CNTNAP2: variants seen among roughly 807,000 people sequenced by gnomAD.
The protein encoded by CNTNAP2 is contactin-associated protein-like 2.
In CNTNAP2, 98 loss-of-function variants were observed where a neutral mutation model predicts 155.2. The observed-to-expected ratio is 0.63, with a 90% CI of 0.54 to 0.75. The LOEUF is 0.75. Among genes scored for constraint, CNTNAP2 ranks in the 30% least tolerant of loss-of-function variants. The pLI, the probability that CNTNAP2 is intolerant of heterozygous loss-of-function variation, is 0.00. For missense variants in CNTNAP2, 1,727 were observed against 1,688.1 expected, an observed-to-expected ratio of 1.02 and a Z score of -0.40; for synonymous variants, 651 against 631.2, an observed-to-expected ratio of 1.03 and a Z score of -0.47.
chr7:146,337,808 T>C (rs935684111), intron 1 of CNTNAP2, among the ~76,000 whole-genome samples: 1 of 152,102 alleles, frequency 6.6e-6, no homozygotes, highest in African/African-American at 2.4e-5. Context: ...TATGTACCAA[T>C]ATTTAAAAGA....
chr7:146,244,081 G>C (rs910734864), intron 1 of CNTNAP2, among the ~76,000 whole-genome samples: 2 of 152,074 alleles, frequency 1.3e-5, no homozygotes, highest in Non-Finnish European at 2.9e-5. Context: ...ATACGGTTTT[G>C]TATGAATTGA....
intron 1 of CNTNAP2, among the ~76,000 whole-genome samples, chr7:146,450,935 ATATTTATT>A (rs60956135): frequency 4.7e-5 from 7 of 148,856 alleles, no homozygotes; most frequent in African/African-American, 1.0e-4. Flanking sequence ...CATAGTAAAA[ATATTTATT>A]TATTTATTTA....
At chr7:147,252,281 T>C (rs1804216204) in intron 8 of CNTNAP2, among the ~76,000 whole-genome samples, 1 of 152,136 alleles carries the variant, frequency 6.6e-6, no homozygotes, top group Admixed American at 6.5e-5. Flanking sequence ...GTCAGCTGAG[T>C]GGATCTTCCC....
chr7:148,234,968 T>C (rs1371481680), intron 20 of CNTNAP2, among the ~76,000 whole-genome samples: 1 of 152,192 alleles, frequency 6.6e-6, no homozygotes, highest in Non-Finnish European at 1.5e-5. Context: ...GGCCATCTTA[T>C]CTTTGCCAAG....
At chr7:146,303,810 C>T (rs564521501) in intron 1 of CNTNAP2, among the ~76,000 whole-genome samples, 3 of 152,174 alleles carry the variant, frequency 2.0e-5, no homozygotes, top group South Asian at 2.1e-4. Context: ...GAGTTCAATT[C>T]CTGGATATCC....
intron 1 of CNTNAP2, among the ~76,000 whole-genome samples, chr7:146,586,031 C>CA (rs112095798): frequency 3.7e-5 from 5 of 135,348 alleles, no homozygotes; most frequent in African/African-American, 8.2e-5. Context: ...CAAAACAAAA[C>CA]AAACAAAAGA....
At chr7:147,982,678 C>T (rs1801551778) in intron 15 of CNTNAP2, among the ~76,000 whole-genome samples, 1 of 151,726 alleles carries the variant, frequency 6.6e-6, no homozygotes, top group South Asian at 2.1e-4. Flanking sequence ...CTTTTTTTTG[C>T]AAGAATTTTA....
chr7:146,987,372 G>A (rs1298636282), intron 3 of CNTNAP2, among the ~76,000 whole-genome samples: 2 of 151,944 alleles, frequency 1.3e-5, no homozygotes, highest in Non-Finnish European at 2.9e-5. Flanking sequence ...TTTTAGTCCT[G>A]CATAATGCAC....
chr7:148,060,898 C>A (rs1017276815), intron 15 of CNTNAP2, among the ~76,000 whole-genome samples: 1 of 152,038 alleles, frequency 6.6e-6, no homozygotes, highest in African/African-American at 2.4e-5. Flanking sequence ...GAAAAAGTAA[C>A]AGCAAGTGAA....
At chr7:147,055,803 G>A (rs1799551346) in intron 4 of CNTNAP2, among the ~76,000 whole-genome samples, 1 of 152,052 alleles carries the variant, frequency 6.6e-6, no homozygotes, top group African/African-American at 2.4e-5. Flanking sequence ...AATACTCAAG[G>A]AGAAGTGGAA....
intron 8 of CNTNAP2, among the ~76,000 whole-genome samples, chr7:147,186,277 T>C (rs1391898414): frequency 6.6e-6 from 1 of 152,172 alleles, no homozygotes; most frequent in Non-Finnish European, 1.5e-5. Context: ...TATAATCTAA[T>C]TATTAATAAT....
chr7:146,518,710 A>G (rs801970), intron 1 of CNTNAP2, among the ~76,000 whole-genome samples: 49,844 of 151,596 alleles, frequency 0.33, 9,069 homozygotes, highest in East Asian at 0.5. Context: ...CCTTAGATGC[A>G]TGCAACTCAA....
intron 8 of CNTNAP2, among the ~76,000 whole-genome samples, chr7:147,259,035 A>G (rs1804397108): frequency 6.6e-6 from 1 of 152,200 alleles, no homozygotes; most frequent in Non-Finnish European, 1.5e-5. Context: ...CTACAGGTAC[A>G]AGTCACATAA....
intron 1 of CNTNAP2, among the ~76,000 whole-genome samples, chr7:146,370,548 A>G (rs562075290): frequency 1.3e-5 from 2 of 152,266 alleles, no homozygotes; most frequent in East Asian, 3.9e-4. Flanking sequence ...GAGACTTTGT[A>G]TCATTTGTTT....
At chr7:146,910,843 G>C (rs1048894304) in intron 3 of CNTNAP2, among the ~76,000 whole-genome samples, 10 of 149,816 alleles carry the variant, frequency 6.7e-5, no homozygotes, top group African/African-American at 2.0e-4. Context: ...CACAGCAAAA[G>C]AAACTACCAT....
chr7:147,919,476 TGAGACAGAG>T (rs1800224611), intron 14 of CNTNAP2, among the ~76,000 whole-genome samples: 1 of 124,936 alleles, frequency 8.0e-6, no homozygotes, highest in Non-Finnish European at 1.7e-5. Flanking sequence ...TTTTTTTTTT[TGAGACAGAG>T]TCTTGCTCTG....
At chr7:146,692,453 C>T (rs1800714064) in intron 1 of CNTNAP2, among the ~76,000 whole-genome samples, 1 of 152,022 alleles carries the variant, frequency 6.6e-6, no homozygotes, top group African/African-American at 2.4e-5. Context: ...TGCTTTCAGC[C>T]AGAGCATGAA....
intron 16 of CNTNAP2, among the ~76,000 whole-genome samples, chr7:148,120,904 G>T (rs932767144): frequency 6.6e-6 from 1 of 152,114 alleles, no homozygotes; most frequent in African/African-American, 2.4e-5. Flanking sequence ...TGGAGAGGGA[G>T]GCAGACTTCT....
chr7:146,968,346 C>T (rs1272679057), intron 3 of CNTNAP2, among the ~76,000 whole-genome samples: 2 of 151,654 alleles, frequency 1.3e-5, no homozygotes, highest in African/African-American at 2.4e-5. Context: ...GGGAGGATTC[C>T]CTCTTTTTCT....
Sources: allele counts gnomAD v4.1 joint callset (sites outside exome capture counted in the v4.1 genomes callset), GRCh38; gene constraint gnomAD v4.1.1; transcripts MANE v1.5; gene names NCBI Gene and HGNC (gene_info 2026-07-23, HGNC 2026-07-21).